PSTPIP1: variants seen among roughly 807,000 people sequenced by gnomAD.
PSTPIP1 encodes the protein proline-serine-threonine phosphatase interacting protein 1.
In PSTPIP1, 66 loss-of-function variants were observed where a neutral mutation model predicts 69.6. The observed-to-expected ratio is 0.95, with a 90% confidence interval of 0.78 to 1.16. The LOEUF (loss-of-function observed/expected upper bound fraction) is 1.16. Ranked by LOEUF, PSTPIP1 falls within the 50% of genes most tolerant of loss-of-function variation. The pLI, the probability that PSTPIP1 is intolerant of heterozygous loss-of-function variation, is 0.00. For synonymous variants in PSTPIP1, 266 were observed against 222.7 expected (o/e 1.19, Z -1.73); for missense variants, 603 against 557.4 (o/e 1.08, Z -0.82).
intron 14 of PSTPIP1, 58 bp downstream of exon 14, chr15:77,035,993 C>G: frequency 6.6e-7 from 1 of 1,515,336 alleles, no homozygotes; most frequent in Admixed American, 2.1e-5. Flanking sequence ...TGAGAGCTCC[C>G]TCTCCCATCC....
chr15:77,008,127 G>A (rs928498013), intron 1 of PSTPIP1: 4 of 452,136 alleles, frequency 8.8e-6, no homozygotes, highest in Admixed American at 2.4e-5. Context: ...AGTGTCCCTG[G>A]AGCTGCAGTG....
chr15:77,010,944 C>A, intron 1 of PSTPIP1, among the ~76,000 whole-genome samples: 2 of 152,156 alleles, frequency 1.3e-5, no homozygotes, highest in Non-Finnish European at 2.9e-5. Flanking sequence ...CCACGTCCAG[C>A]CCTCTCTCTC....
chr15:77,022,477 A>G (rs2076181259), intron 3 of PSTPIP1, among the ~76,000 whole-genome samples: 1 of 152,258 alleles, frequency 6.6e-6, no homozygotes, highest in African/African-American at 2.4e-5. Flanking sequence ...AGGCCTGTGC[A>G]GGACCCTGTC....
chr15:77,000,479 A>ATATATATATATG (rs1568482008), intron 1 of PSTPIP1, among the ~76,000 whole-genome samples: 1 of 148,862 alleles, frequency 6.7e-6, no homozygotes, highest in African/African-American at 2.5e-5. Flanking sequence ...ATATATATAC[A>ATATATATATATG]CACACACACA....
chr15:76,995,131 T>C lies in PSTPIP1; in HGVS notation c.-443T>C. On this transcript the variant is annotated 5_prime_UTR_variant, in exon 1 of 15. Coordinates refer to ENST00000558012, the MANE Select transcript of PSTPIP1 (RefSeq NM_003978.5). The stretch of plus-strand genomic sequence containing the variant: ...TGCCCCGGGGGAGGTTGCACAAACC[T>C]TCCTGCGCAGGCCTCGGGCTGCCTG... 2.6e-6 allele frequency: 3 copies of C among 1,167,270 alleles called. No homozygotes were observed. Among genetic ancestry groups the C allele is most frequent in the Non-Finnish European group, 3.2e-6 (3 of 931,164 alleles). 72.3% of individuals were successfully genotyped at this position (1,167,270 alleles called of 1,614,324 possible).
At chr15:76,995,800 G>A (rs556778255) in intron 1 of PSTPIP1, among the ~76,000 whole-genome samples, 191 bp downstream of exon 1, 3 of 152,232 alleles carry the variant, frequency 2.0e-5, no homozygotes, top group Non-Finnish European at 4.4e-5. Flanking sequence ...AGTGGACTCC[G>A]TGAATGAGCG....
chr15:77,034,433 C>A (rs1183727122), intron 12 of PSTPIP1, among the ~76,000 whole-genome samples: 4 of 151,820 alleles, frequency 2.6e-5, no homozygotes, highest in Non-Finnish European at 5.9e-5. Context: ...CCCTCGGCGC[C>A]TCATGTGGGA....
intron 6 of PSTPIP1, chr15:77,028,211 C>A (rs922249543): frequency 3.9e-6 from 2 of 512,866 alleles, no homozygotes; most frequent in African/African-American, 2.0e-5. Flanking sequence ...CTTGATCCTG[C>A]GAGACGCTGG....
chr15:77,035,375 TG>T, intron 12 of PSTPIP1, 132 bp from the exon 13 acceptor site: 1 of 940,160 alleles, frequency 1.1e-6, no homozygotes, highest in South Asian at 1.5e-5. Flanking sequence ...CATCCATGCC[TG>T]GAGGCTAGGG....
intron 3 of PSTPIP1, chr15:77,023,422 G>GGGAGGT (rs1405907174): frequency 6.5e-6 from 1 of 152,890 alleles, no homozygotes; most frequent in Admixed American, 6.5e-5. Flanking sequence ...GCTGACAGGT[G>GGGAGGT]GGAGGTGGAG....
chr15:77,028,426 G>A, intron 6 of PSTPIP1, 128 bp from the exon 7 acceptor site: 9 of 693,684 alleles, frequency 1.3e-5, no homozygotes, highest in Non-Finnish European at 1.9e-5. Flanking sequence ...TGTCCCTGGT[G>A]AGGATGCCCC....
At chr15:77,022,938 G>A (rs1486328624) in intron 3 of PSTPIP1, among the ~76,000 whole-genome samples, 1 of 152,228 alleles carries the variant, frequency 6.6e-6, no homozygotes, top group Non-Finnish European at 1.5e-5. Context: ...AGGTCATGGG[G>A]ACAAATGGGA....
intron 11 of PSTPIP1, 161 bp from the exon 12 acceptor site, chr15:77,032,701 T>C (rs1191549741): frequency 9.1e-6 from 6 of 656,040 alleles, no homozygotes; most frequent in Non-Finnish European, 1.3e-5. Context: ...TAGGTCTTGA[T>C]GGTACCTACG....
intron 3 of PSTPIP1, among the ~76,000 whole-genome samples, chr15:77,021,939 C>T (rs954924365): frequency 2.0e-5 from 3 of 152,230 alleles, no homozygotes; most frequent in African/African-American, 7.2e-5. Flanking sequence ...TGCATGCCCC[C>T]AGAAGCTGCA....
chr15:77,002,211 G>A (rs572911084), intron 1 of PSTPIP1, among the ~76,000 whole-genome samples: 2 of 152,312 alleles, frequency 1.3e-5, no homozygotes, highest in African/African-American at 2.4e-5. Flanking sequence ...AGGCCCAGAC[G>A]AGGGTCACCT....
intron 6 of PSTPIP1, 24 bp from the exon 7 acceptor site, chr15:77,028,530 A>C: frequency 6.4e-7 from 1 of 1,569,160 alleles, no homozygotes; most frequent in Non-Finnish European, 8.7e-7. Flanking sequence ...GCAGCCCCCA[A>C]GTCACGCCCC....
intron 1 of PSTPIP1, among the ~76,000 whole-genome samples, chr15:77,009,977 G>T (rs980064754): frequency 1.3e-5 from 2 of 152,192 alleles, no homozygotes; most frequent in Non-Finnish European, 2.9e-5. Context: ...AGTCCATTCG[G>T]CAAGGAGCCG....
chr15:77,025,601 G>T lies in PSTPIP1; in HGVS notation c.351G>T (p.Lys117Asn). ...EFRERQKEQR[K>N]KYEAVMDRVQ... ...GTGAGAGGCAGAAGGAGCAGAGGAA[G>T]AAGGTGAGGCAGGTGCAGGGGGCGG... Residue 117 changes from lysine to asparagine, a missense_variant, in exon 5 of 15, where the codon AAG becomes AAT. Lys to Asn is a moderately conservative substitution (Grantham distance 94, BLOSUM62 0). Transcript: ENST00000558012. 1.3e-6 allele frequency: 2 copies of T among 1,544,966 alleles called. No homozygotes were observed. The highest frequency in any genetic ancestry group is 3.9e-5 in the Admixed American group (2 of 50,970).
chr15:77,025,507 A>T lies in PSTPIP1; in HGVS notation c.257A>T (p.Asn86Ile). ...SFDSLKQQME[N>I]VGSSHIQLAL... ...CATGCTCTGCCCCCAGAAATGGAGA[A>T]TGTGGGCAGCTCACACATCCAGCTG... is the stretch of plus-strand genomic sequence containing the variant. Residue 86 changes from asparagine (N) to isoleucine (I), a missense_variant, in exon 5 of 15, where the codon AAT becomes ATT. Physicochemically the swap from Asn to Ile is moderately radical, Grantham distance 149. Transcript: ENST00000558012. 1 of 1,559,306 alleles carries T rather than the reference A, an allele frequency of 6.4e-7. No individual in the cohort carries two copies. Among genetic ancestry groups the T allele is most frequent in the Non-Finnish European group, 8.7e-7 (1 of 1,151,630 alleles).
Sources: gnomAD v4.1 joint callset for allele counts (sites outside exome capture counted in the v4.1 genomes callset) on GRCh38, gnomAD v4.1.1 for gene constraint, MANE v1.5 for transcripts, NCBI Gene and HGNC (gene_info 2026-07-23, HGNC 2026-07-21) for gene names.